Variants in DNAH11 observed in about 807,000 individuals in gnomAD.
DNAH11 encodes the protein axonemal beta dynein heavy chain 11.
Under a neutral mutation model 526.0 loss-of-function variants are expected in DNAH11, and 442 were observed. That is an observed-to-expected ratio of 0.84 (90% CI 0.78 to 0.91). The LOEUF is 0.91. DNAH11 is among the 40% of genes least tolerant of loss of function. The pLI, the probability that DNAH11 is intolerant of heterozygous loss-of-function variation, is 0.00. For synonymous variants in DNAH11, 2,461 were observed against 1,935.9 expected, an observed-to-expected ratio of 1.27 and a Z score of -7.12; for missense variants, 6,989 against 5,448.7, an observed-to-expected ratio of 1.28 and a Z score of -8.90.
chr7:21,599,815 C>T lies in DNAH11; in HGVS notation c.2696C>T (p.Pro899Leu), dbSNP rs760311919. Residue 899 changes from proline (P) to leucine (L), a missense_variant, in exon 15 of 82, where the codon CCC becomes CTC. Coordinates refer to ENST00000409508, the MANE Select transcript of DNAH11 (RefSeq NM_001277115.2). ...EENRKLFKAN[P>L]SLDTWKIYVE... ...AATAGGAAGCTCTTCAAAGCCAATC[C>T]CTCTCTGGATACCTGGAAAATTTAT... The T allele has an allele frequency of 1.3e-6, 2 of 1,581,874 alleles. No homozygotes were observed. The highest frequency in any genetic ancestry group is 8.6e-7 in the Non-Finnish European group (1 of 1,160,742).
chr7:21,551,861 G>C (rs1783036242), intron 2 of DNAH11, among the ~76,000 whole-genome samples: 1 of 137,802 alleles, frequency 7.3e-6, no homozygotes. Context: ...GTTGTTATGA[G>C]CAAATAATTT....
chr7:21,564,501 CTTTT>C (rs1227948900), intron 6 of DNAH11, 104 bp downstream of exon 6: 1 of 769,966 alleles, frequency 1.3e-6, no homozygotes, highest in African/African-American at 1.8e-5. Context: ...CACCATCTTT[CTTTT>C]TCTTTTTTCA....
chr7:21,700,929 G>T (rs1410452633), intron 36 of DNAH11, among the ~76,000 whole-genome samples: 2 of 152,108 alleles, frequency 1.3e-5, no homozygotes, highest in African/African-American at 4.8e-5. Flanking sequence ...TGGGCACAAG[G>T]AGGGGAACAT....
intron 6 of DNAH11, among the ~76,000 whole-genome samples, chr7:21,565,754 G>T (rs1199951949): frequency 6.6e-6 from 1 of 152,206 alleles, no homozygotes; most frequent in Non-Finnish European, 1.5e-5. Flanking sequence ...TAACCTAAGT[G>T]AAATGCCCAG....
chr7:21,751,858 G>A (rs1786426063), intron 54 of DNAH11, among the ~76,000 whole-genome samples: 2 of 152,184 alleles, frequency 1.3e-5, no homozygotes, highest in South Asian at 2.1e-4. Context: ...GTAGTAACAA[G>A]GCCAGGGATT....
At chr7:21,883,226 A>C (rs1783991158) in intron 75 of DNAH11, among the ~76,000 whole-genome samples, 1 of 152,218 alleles carries the variant, frequency 6.6e-6, no homozygotes, top group African/African-American at 2.4e-5. Flanking sequence ...CTATAATTAT[A>C]ATTATGTTTT....
chr7:21,892,384 A>C, intron 76 of DNAH11, 41 bp from the exon 77 acceptor site: 1 of 1,577,624 alleles, frequency 6.3e-7, no homozygotes, highest in Non-Finnish European at 8.6e-7. Context: ...ATGGATGCCT[A>C]CCTACATTTG....
chr7:21,810,508 A>G (rs1488955031), intron 63 of DNAH11, among the ~76,000 whole-genome samples: 3 of 152,206 alleles, frequency 2.0e-5, no homozygotes, highest in East Asian at 3.9e-4. Flanking sequence ...TGGCCAAACC[A>G]AAGGAAATTG....
intron 25 of DNAH11, among the ~76,000 whole-genome samples, chr7:21,626,532 C>T (rs761341081): frequency 1.3e-5 from 2 of 152,114 alleles, no homozygotes; most frequent in Non-Finnish European, 2.9e-5. Flanking sequence ...GTACTGTTCT[C>T]CATAGTGACT....
chr7:21,727,786 G>C (rs746335036), intron 45 of DNAH11, among the ~76,000 whole-genome samples: 20 of 152,292 alleles, frequency 1.3e-4, no homozygotes, highest in African/African-American at 4.8e-4. Context: ...CATAACAAAA[G>C]ACCAAAGACC....
rs1785140098 is a variant in DNAH11, at chr7:21,726,935, C to CTTTTTTTTCTTT, written c.7440+959_7440+960insCTTTTTTTTTTT. ...CTGTTATATTTCTGCATCCTCTTTT[C>CTTTTTTTTCTTT]TTTTTTTTTTTTTTTTGAGATGGAG... On this transcript the variant is annotated intron_variant, in intron 45 of 81. Transcript: ENST00000409508. 9.4e-5 allele frequency among the ~76,000 whole-genome samples: 3 copies of CTTTTTTTTCTTT among 31,990 alleles called. 1 individual carries two copies. Among genetic ancestry groups the CTTTTTTTTCTTT allele is most frequent in the Non-Finnish European group, 1.5e-4 (3 of 19,762 alleles). The allele number at this position is 31,990 out of a possible 152,430, so 21.0% of individuals were successfully genotyped here.
rs764817397 is a variant in DNAH11, at chr7:21,779,083, C to G, written c.9462C>G (p.Ile3154Met). 2 of 1,612,898 alleles carry G rather than the reference C, an allele frequency of 1.2e-6. No homozygotes were observed. The highest frequency in any genetic ancestry group is 2.2e-5 in the East Asian group (1 of 44,834). The change falls in exon 57 of 82, where the codon ATC becomes ATG. Residue 3154 changes from isoleucine (I) to methionine (M), a missense_variant. By Grantham distance (10) the Ile-to-Met change is conservative (BLOSUM62 1). Coordinates refer to ENST00000409508, the MANE Select transcript of DNAH11 (RefSeq NM_001277115.2). ...QTEKVSREKTIADAEERKVTA... is the reference protein window; with the variant it reads ...QTEKVSREKTMADAEERKVTA... Reference sequence around the variant, plus strand: ...AGAAAGTGAGCCGGGAAAAGACCATCGCTGATGCTGAGGAGCGAAAGGTCA... The same window carrying G: ...AGAAAGTGAGCCGGGAAAAGACCATGGCTGATGCTGAGGAGCGAAAGGTCA...
chr7:21,605,597 A>G (rs553319738), intron 18 of DNAH11, among the ~76,000 whole-genome samples: 2 of 152,292 alleles, frequency 1.3e-5, no homozygotes, highest in African/African-American at 2.4e-5. Context: ...CCCAACCTCA[A>G]TCCTCAAACT....
At chr7:21,875,943 G>A (rs1783692634) in intron 74 of DNAH11, among the ~76,000 whole-genome samples, 1 of 141,496 alleles carries the variant, frequency 7.1e-6, no homozygotes, top group Admixed American at 7.2e-5. Flanking sequence ...GAGTGCAGTG[G>A]TACGATCTCG....
chr7:21,734,116 T>C (rs1366694390), intron 45 of DNAH11, among the ~76,000 whole-genome samples: 1 of 152,188 alleles, frequency 6.6e-6, no homozygotes, highest in Non-Finnish European at 1.5e-5. Context: ...GAGGTCAGGC[T>C]CTGTCAGACT....
chr7:21,849,762 T>C (rs1782551768), intron 66 of DNAH11, among the ~76,000 whole-genome samples: 2 of 152,194 alleles, frequency 1.3e-5, no homozygotes, highest in African/African-American at 4.8e-5. Context: ...TTTGATATTA[T>C]GCGGTTTGAA....
chr7:21,637,644 G>A lies in DNAH11; in HGVS notation c.4759G>A (p.Val1587Met). 6.3e-7 allele frequency: 1 copy of A among 1,590,122 alleles called. No homozygotes were observed. Among genetic ancestry groups the A allele is most frequent in the Non-Finnish European group, 8.6e-7 (1 of 1,167,432 alleles). ...GTTCAAGACAGCCAAAGTAGAAAAT[G>A]TGTTAGAAGCAACGTGCAGACCTAA... ...LMFKTAKVEN[V>M]LEATCRPNLY... The change falls in exon 27 of 82, where the codon GTG becomes ATG. Residue 1587 changes from valine (V) to methionine (M), a missense_variant. By Grantham distance (21) the Val-to-Met change is conservative. Transcript: ENST00000409508.
chr7:21,751,530 C>A (rs966085440), intron 54 of DNAH11, among the ~76,000 whole-genome samples: 9 of 152,170 alleles, frequency 5.9e-5, no homozygotes, highest in Admixed American at 2.0e-4. Context: ...AAAATTCAGG[C>A]TTTCTAGTAT....
At chr7:21,606,336 A>G (rs781370737) in intron 18 of DNAH11, 90 bp from the exon 19 acceptor site, 6 of 1,134,826 alleles carry the variant, frequency 5.3e-6, no homozygotes, top group Non-Finnish European at 7.5e-6. Flanking sequence ...AGAAAAAAAA[A>G]AAAGAAAGAA....
Sources: gnomAD v4.1 joint callset for allele counts (sites outside exome capture counted in the v4.1 genomes callset) on GRCh38, gnomAD v4.1.1 for gene constraint, MANE v1.5 for transcripts, NCBI Gene and HGNC (gene_info 2026-07-23, HGNC 2026-07-21) for gene names.